The following SOX6 variants were observed in gnomAD, a reference collection of about 807,000 sequenced individuals.
SOX6 encodes the protein SRY-box transcription factor 6.
SOX6 carries 11 observed loss-of-function variants against 97.8 expected under a neutral mutation model. The observed-to-expected ratio is 0.11, with a 90% CI of 0.07 to 0.19. The LOEUF (loss-of-function observed/expected upper bound fraction) is 0.19. SOX6 is among the 10% of genes least tolerant of loss of function. The pLI, the probability that SOX6 is intolerant of heterozygous loss-of-function variation, is 1.00. For synonymous variants in SOX6, 360 were observed against 371.4 expected, an observed-to-expected ratio of 0.97 and a Z score of 0.35; for missense variants, 810 against 1,039.5, an observed-to-expected ratio of 0.78 and a Z score of 3.04.
At chr11:16,349,807 T>C (rs1246313730) in intron 1 of SOX6, among the ~76,000 whole-genome samples, 1 of 151,996 alleles carries the variant, frequency 6.6e-6, no homozygotes, top group Non-Finnish European at 1.5e-5. Flanking sequence ...CTACAGCTAA[T>C]GCCTGATATG....
At chr11:16,172,233 G>A (rs1851059599) in intron 6 of SOX6, among the ~76,000 whole-genome samples, 1 of 152,008 alleles carries the variant, frequency 6.6e-6, no homozygotes, top group African/African-American at 2.4e-5. Context: ...AAAAGGATAT[G>A]CAGTAATTTC....
intron 9 of SOX6, among the ~76,000 whole-genome samples, chr11:16,078,369 T>G (rs1422723003): frequency 6.6e-6 from 1 of 152,194 alleles, no homozygotes; most frequent in East Asian, 1.9e-4. Flanking sequence ...ATTTGAAATC[T>G]AAGTATTATT....
intron 1 of SOX6, among the ~76,000 whole-genome samples, chr11:16,391,137 A>C (rs1224989748): frequency 6.6e-6 from 1 of 152,210 alleles, no homozygotes; most frequent in African/African-American, 2.4e-5. Flanking sequence ...GTGAGAGTTG[A>C]ACAATAAGAA....
chr11:16,631,074 A>G (rs190041867), intron 3 of SOX6, among the ~76,000 whole-genome samples: 1 of 151,672 alleles, frequency 6.6e-6, no homozygotes, highest in East Asian at 2.0e-4. Context: ...GGGGGTTTAA[A>G]GTATTTACAT....
chr11:16,309,753 TTG>T (rs1219299876), intron 3 of SOX6, among the ~76,000 whole-genome samples: 1 of 152,098 alleles, frequency 6.6e-6, no homozygotes, highest in Non-Finnish European at 1.5e-5. Flanking sequence ...TGCATATATA[TTG>T]TACAAGGAGA....
chr11:16,354,025 T>C (rs1443546086), intron 1 of SOX6, among the ~76,000 whole-genome samples: 1 of 152,012 alleles, frequency 6.6e-6, no homozygotes, highest in African/African-American at 2.4e-5. Context: ...ACTGGAAAAC[T>C]GCTTGCTACC....
intron 10 of SOX6, among the ~76,000 whole-genome samples, chr11:16,053,448 T>C (rs1249358026): frequency 6.6e-6 from 1 of 152,106 alleles, no homozygotes; most frequent in Non-Finnish European, 1.5e-5. Flanking sequence ...ATCTTCTTTA[T>C]TATCATAATG....
chr11:16,370,258 T>A (rs1471885530), intron 1 of SOX6, among the ~76,000 whole-genome samples: 1 of 152,154 alleles, frequency 6.6e-6, no homozygotes, highest in African/African-American at 2.4e-5. Context: ...TACCTCAGCC[T>A]CCTTTTTTGC....
At chr11:16,350,476 T>G (rs1197729707) in intron 1 of SOX6, among the ~76,000 whole-genome samples, 1 of 152,200 alleles carries the variant, frequency 6.6e-6, no homozygotes, top group Non-Finnish European at 1.5e-5. Context: ...AATACAATTT[T>G]TTCCAAGAGA....
At chr11:16,096,624 T>C (rs1358158116) in intron 8 of SOX6, among the ~76,000 whole-genome samples, 2 of 151,820 alleles carry the variant, frequency 1.3e-5, no homozygotes, top group Admixed American at 1.3e-4. Context: ...CAAAATGATG[T>C]TTTTTCATGG....
At chr11:16,727,662 T>C (rs1018029995) in intron 2 of SOX6, among the ~76,000 whole-genome samples, 6 of 151,906 alleles carry the variant, frequency 3.9e-5, no homozygotes, top group Non-Finnish European at 8.8e-5. Flanking sequence ...GGTCTCGAAT[T>C]CCTTACCTCA....
At chr11:16,469,233 G>A (rs1860099129) in intron 1 of SOX6, among the ~76,000 whole-genome samples, 1 of 152,106 alleles carries the variant, frequency 6.6e-6, no homozygotes, top group Non-Finnish European at 1.5e-5. Context: ...AGAGCAGTTT[G>A]TTCTGGTGCT....
At chr11:16,450,022 C>G (rs1029698263) in intron 1 of SOX6, among the ~76,000 whole-genome samples, 1 of 152,176 alleles carries the variant, frequency 6.6e-6, no homozygotes, top group Non-Finnish European at 1.5e-5. Flanking sequence ...AAATCACCAT[C>G]TACAACCTGG....
intron 3 of SOX6, among the ~76,000 whole-genome samples, chr11:16,651,433 A>G (rs1847652524): frequency 6.6e-6 from 1 of 152,228 alleles, no homozygotes; most frequent in Non-Finnish European, 1.5e-5. Flanking sequence ...ACCATGATCA[A>G]CTGGGTTTGA....
intron 3 of SOX6, 58 bp from the exon 4 acceptor site, chr11:16,234,729 C>A: frequency 1.9e-6 from 2 of 1,031,562 alleles, no homozygotes; most frequent in South Asian, 1.7e-5. Context: ...TTTAGAAAGT[C>A]AGTTTATGGG....
chr11:16,357,187 T>G (rs942480995), upstream of SOX6, among the ~76,000 whole-genome samples: 2 of 152,082 alleles, frequency 1.3e-5, no homozygotes, highest in Non-Finnish European at 2.9e-5. Flanking sequence ...GGTACTACTA[T>G]AGTTTGGCCA....
intron 6 of SOX6, among the ~76,000 whole-genome samples, chr11:16,132,533 T>C (rs982302198): frequency 1.3e-5 from 2 of 150,610 alleles, no homozygotes. Context: ...TAGGAAGACA[T>C]TGGCATGATA....
At chr11:16,593,532 A>ATG (rs377422438) in intron 4 of SOX6, among the ~76,000 whole-genome samples, 1 of 151,676 alleles carries the variant, frequency 6.6e-6, no homozygotes, top group Non-Finnish European at 1.5e-5. Context: ...AAAAAAAAAA[A>ATG]TCAGAATGCT....
At chr11:16,658,537 T>C (rs890904748) in intron 3 of SOX6, among the ~76,000 whole-genome samples, 1 of 152,002 alleles carries the variant, frequency 6.6e-6, no homozygotes, top group Non-Finnish European at 1.5e-5. Context: ...TGAAACCCCG[T>C]CTCTACTAAA....
Sources: gnomAD v4.1 joint callset for allele counts (sites outside exome capture counted in the v4.1 genomes callset) on GRCh38, gnomAD v4.1.1 for gene constraint, MANE v1.5 for transcripts, NCBI Gene and HGNC (gene_info 2026-07-23, HGNC 2026-07-21) for gene names.